EIF4ENIF1: variants seen among roughly 807,000 people sequenced by gnomAD.
EIF4ENIF1 encodes eukaryotic translation initiation factor 4E transporter.
In EIF4ENIF1, 23 loss-of-function variants were observed where a neutral mutation model predicts 110.5. The ratio of observed to expected loss-of-function variants is 0.21; its 90% CI spans 0.15 to 0.29. The LOEUF (loss-of-function observed/expected upper bound fraction) is 0.29, where lower values mean the gene tolerates loss of function less well. EIF4ENIF1 is among the 10% of genes least tolerant of loss of function. The pLI, the probability that EIF4ENIF1 is intolerant of heterozygous loss-of-function variation, is 1.00. For missense variants in EIF4ENIF1, 1,031 were observed against 1,221.1 expected (o/e 0.84, Z 2.32); for synonymous variants, 440 against 437.0 (o/e 1.01, Z -0.09).
At chr22:31,492,976 C>T (rs1423895789), upstream of EIF4ENIF1, among the ~76,000 whole-genome samples, 1 of 151,950 alleles carries the variant, frequency 6.6e-6, no homozygotes, top group African/African-American at 2.4e-5. Context: ...ATGATCCGCC[C>T]ACCTCGGCCT....
intron 10 of EIF4ENIF1, among the ~76,000 whole-genome samples, chr22:31,452,523 G>A (rs1351090944): frequency 6.6e-6 from 1 of 152,062 alleles, no homozygotes; most frequent in Non-Finnish European, 1.5e-5. Context: ...TCAAATCCTA[G>A]AATCATATCT....
chr22:31,440,584 C>T (rs1023191099), intron 18 of EIF4ENIF1, 120 bp downstream of exon 18: 11 of 1,275,308 alleles, frequency 8.6e-6, no homozygotes, highest in East Asian at 2.4e-5. Context: ...ACACTTTGTC[C>T]CAAACTTAGA....
At chr22:31,482,866 T>TA (rs1179482696) in intron 2 of EIF4ENIF1, among the ~76,000 whole-genome samples, 1 of 144,146 alleles carries the variant, frequency 6.9e-6, no homozygotes, top group Non-Finnish European at 1.5e-5. Context: ...TACTAAAATG[T>TA]AAAAAAAATT....
At chr22:31,482,154 A>G (rs1346940113) in intron 2 of EIF4ENIF1, among the ~76,000 whole-genome samples, 4 of 148,210 alleles carry the variant, frequency 2.7e-5, no homozygotes, top group Non-Finnish European at 6.0e-5. Context: ...GATAACAGTG[A>G]GAGCCTGTCT....
intron 2 of EIF4ENIF1, among the ~76,000 whole-genome samples, 181 bp from the exon 3 acceptor site, chr22:31,472,098 A>C (rs2051400109): frequency 6.6e-6 from 1 of 152,218 alleles, no homozygotes; most frequent in Non-Finnish European, 1.5e-5. Context: ...AAGCAGAATA[A>C]TCCAGTAACT....
chr22:31,458,398 C>A, intron 7 of EIF4ENIF1, 77 bp downstream of exon 7: 1 of 1,296,820 alleles, frequency 7.7e-7, no homozygotes, highest in Non-Finnish European at 1.0e-6. Flanking sequence ...TCTAGCAAAA[C>A]AACACTTTCA....
intron 11 of EIF4ENIF1, among the ~76,000 whole-genome samples, chr22:31,449,811 A>G (rs1209344674): frequency 6.6e-6 from 1 of 151,164 alleles, no homozygotes; most frequent in Non-Finnish European, 1.5e-5. Context: ...GCTCACCACA[A>G]CCTCTGCCTA....
rs891126928 is a variant in EIF4ENIF1, at chr22:31,442,075, G to A, written c.2250C>T (p.Asp750=). Residue 750 remains aspartate, a synonymous_variant, in exon 17 of 19, where the codon GAC becomes GAT. Coordinates refer to ENST00000330125, the MANE Select transcript of EIF4ENIF1 (RefSeq NM_019843.4). The part of the protein sequence containing the change: ...SSSSVPSADR[D]SSPTTNSKLS... ...GTTTGGAATTTGTAGTGGGAGAAGA[G>A]TCTCGATCGGCACTGGGTACAGAGC... 1.9e-6 allele frequency: 3 copies of A among 1,614,146 alleles called. No individual in the cohort carries two copies. In the East Asian group the frequency reaches 6.7e-5, roughly 36 times the overall value.
chr22:31,464,290 G>A, intron 4 of EIF4ENIF1: 1 of 250,616 alleles, frequency 4.0e-6, no homozygotes, highest in East Asian at 9.5e-5. Context: ...ACTACAGCAG[G>A]CGTATTTGAA....
intron 4 of EIF4ENIF1, among the ~76,000 whole-genome samples, chr22:31,465,009 G>A (rs1263779320): frequency 3.3e-5 from 5 of 151,668 alleles, no homozygotes; most frequent in Non-Finnish European, 5.9e-5. Context: ...TCTGATAAAG[G>A]ACTTAAATTC....
intron 10 of EIF4ENIF1, chr22:31,450,844 T>TACACACACACACACACACACACAC (rs372740127): frequency 1.7e-5 from 2 of 120,968 alleles, no homozygotes; most frequent in Non-Finnish European, 3.4e-5. Context: ...ATATATATAC[T>TACACACACACACACACACACACAC]ACACACACAC....
intron 3 of EIF4ENIF1, among the ~76,000 whole-genome samples, 153 bp from the exon 4 acceptor site, chr22:31,468,455 C>T (rs899005376): frequency 2.6e-5 from 4 of 152,138 alleles, no homozygotes; most frequent in Admixed American, 1.3e-4. Flanking sequence ...AGCGCAGTGG[C>T]GTGATCTCAG....
At chr22:31,491,281 A>T (rs1465730841), upstream of EIF4ENIF1, among the ~76,000 whole-genome samples, 1 of 152,214 alleles carries the variant, frequency 6.6e-6, no homozygotes, top group African/African-American at 2.4e-5. Flanking sequence ...GCAGGTGATA[A>T]TACAGATGTT....
Position 31,440,859 on chromosome 22 carries a change from G to C in EIF4ENIF1, c.2561C>G (p.Pro854Arg). ...LPSLLQTGVLPPGMDLSHLQG... is the reference protein window; with the variant it reads ...LPSLLQTGVLRPGMDLSHLQG... ...TAAATGACTCAAGTCCATCCCAGGA[G>C]GAAGCACACCTGTTGAGCAGAAAAA... Residue 854 changes from proline to arginine, a missense_variant, in exon 18 of 19, where the codon CCT (proline) becomes CGT (arginine). Physicochemically the swap from Pro to Arg is moderately radical, Grantham distance 103. Transcript: ENST00000330125. 6.2e-7 allele frequency: 1 copy of C among 1,613,958 alleles called. No individual in the cohort carries two copies. Among genetic ancestry groups the C allele is most frequent in the Non-Finnish European group, 8.5e-7 (1 of 1,179,848 alleles).
chr22:31,450,896 A>ACACACACACACACAC (rs747824280), intron 10 of EIF4ENIF1: 4 of 115,442 alleles, frequency 3.5e-5, no homozygotes, highest in East Asian at 3.0e-4. Flanking sequence ...CACACACACA[A>ACACACACACACACAC]AAGAGACAGG....
chr22:31,458,298 C>G (rs149192418), intron 7 of EIF4ENIF1, among the ~76,000 whole-genome samples, 177 bp downstream of exon 7: 1,688 of 150,622 alleles, frequency 0.011, 9 homozygotes, highest in Middle Eastern at 0.028. Context: ...TTAACTGGTA[C>G]AAAAATCTCA....
In EIF4ENIF1 at chr22:31,453,444, G is replaced by A. The variant is rs577137112; in HGVS notation, c.1512+700C>T. ...GCCTGGAGTGCAGTGGCGTGACCTC[G>A]GCTCACTGCAACTTTCATTTCCCAG... On this transcript the variant is annotated intron_variant, in intron 10 of 18. Coordinates refer to ENST00000330125, the MANE Select transcript of EIF4ENIF1 (RefSeq NM_019843.4). 1.3e-5 allele frequency: 4 copies of A among 298,512 alleles called. No individual in the cohort carries two copies. In the East Asian group the frequency reaches 2.9e-4, roughly 22 times the overall value. 18.5% of individuals were successfully genotyped at this position (298,512 alleles called of 1,614,324 possible).
At chr22:31,452,313 TACTC>T (rs938317781) in intron 10 of EIF4ENIF1, among the ~76,000 whole-genome samples, 6 of 152,266 alleles carry the variant, frequency 3.9e-5, no homozygotes, top group African/African-American at 1.4e-4. Flanking sequence ...CTGCTATTCT[TACTC>T]CATTACTTTC....
chr22:31,464,806 AAT>A (rs1192176952), intron 4 of EIF4ENIF1, among the ~76,000 whole-genome samples: 2 of 148,104 alleles, frequency 1.4e-5, no homozygotes, highest in Admixed American at 6.8e-5. Flanking sequence ...TCTAGAACAA[AAT>A]ATAGGAGGAA....
Sources: allele counts gnomAD v4.1 joint callset (sites outside exome capture counted in the v4.1 genomes callset), GRCh38; gene constraint gnomAD v4.1.1; transcripts MANE v1.5; gene names NCBI Gene and HGNC (gene_info 2026-07-23, HGNC 2026-07-21).